The following HPSE2 variants were observed in gnomAD, a reference collection of about 807,000 sequenced individuals.
HPSE2 encodes the protein heparanase 2 (inactive).
A neutral mutation model predicts 60.5 loss-of-function variants in HPSE2; 38 were observed. The ratio of observed to expected loss-of-function variants is 0.63; its 90% CI spans 0.48 to 0.82. The LOEUF is 0.82. HPSE2 is among the 40% of genes least tolerant of loss of function. The probability of loss-of-function intolerance (pLI) is 0.00; values close to 1 mark genes in which losing one functional copy is unlikely to be tolerated. For synonymous variants in HPSE2, 295 were observed against 293.2 expected (o/e 1.01, Z -0.06); for missense variants, 713 against 740.4 (o/e 0.96, Z 0.43).
At chr10:99,119,575 A>C (rs1205588591) in intron 3 of HPSE2, among the ~76,000 whole-genome samples, 1 of 152,208 alleles carries the variant, frequency 6.6e-6, no homozygotes, top group East Asian at 1.9e-4. Flanking sequence ...TTCTTCACAG[A>C]ACTAGAAAAA....
intron 3 of HPSE2, among the ~76,000 whole-genome samples, chr10:99,121,708 G>A (rs921010254): frequency 8.6e-5 from 13 of 152,006 alleles, no homozygotes; most frequent in African/African-American, 2.9e-4. Flanking sequence ...GTGTAGTGTT[G>A]GGATAAGTAT....
intron 3 of HPSE2, among the ~76,000 whole-genome samples, chr10:98,823,628 A>AAAAT (rs1051765730): frequency 1.2e-4 from 18 of 152,196 alleles, no homozygotes; most frequent in African/African-American, 4.1e-4. Context: ...CCATCTCTAA[A>AAAAT]AAATAAATAA....
intron 2 of HPSE2, among the ~76,000 whole-genome samples, chr10:99,172,974 G>A (rs902284359): frequency 5.9e-5 from 9 of 152,174 alleles, no homozygotes; most frequent in African/African-American, 2.2e-4. Context: ...GTAAGTACAA[G>A]TCTATCTAAT....
chr10:98,980,949 A>G (rs939680807), intron 3 of HPSE2, among the ~76,000 whole-genome samples: 1 of 152,154 alleles, frequency 6.6e-6, no homozygotes, highest in Non-Finnish European at 1.5e-5. Flanking sequence ...AGTCAGGAGT[A>G]TGATAAGATA....
At chr10:98,642,228 T>C (rs949500207) in intron 6 of HPSE2, among the ~76,000 whole-genome samples, 1 of 152,156 alleles carries the variant, frequency 6.6e-6, no homozygotes, top group Non-Finnish European at 1.5e-5. Flanking sequence ...ATAATACAAA[T>C]TGGATAATGA....
chr10:98,671,080 G>A (rs1490031913), intron 6 of HPSE2, among the ~76,000 whole-genome samples: 4 of 152,098 alleles, frequency 2.6e-5, no homozygotes, highest in Admixed American at 2.6e-4. Context: ...TTTGAATTAG[G>A]GATACTCAAC....
chr10:98,796,455 G>C (rs1950782576), intron 3 of HPSE2, among the ~76,000 whole-genome samples: 1 of 152,210 alleles, frequency 6.6e-6, no homozygotes, highest in Non-Finnish European at 1.5e-5. Flanking sequence ...AAAGCGGAGA[G>C]AAGAGTGGGA....
chr10:99,101,121 A>C lies in HPSE2; in HGVS notation c.610+43117T>G, dbSNP rs184388786. Among the ~76,000 whole-genome samples the C allele has an allele frequency of 6.0e-3, 908 of 152,318 alleles. 4 individuals are homozygous for C. Among genetic ancestry groups the C allele is most frequent in the African/African-American group, 0.016 (674 of 41,580 alleles). On this transcript the variant is annotated intron_variant, in intron 3 of 11. Transcript: ENST00000370552. ...CCAGCTAACATCATAATGACAGGAT[A>C]AAATTCATACATTACAATATTAACC...
chr10:98,668,185 T>A (rs1276632267), intron 6 of HPSE2, among the ~76,000 whole-genome samples: 1 of 151,982 alleles, frequency 6.6e-6, no homozygotes, highest in Non-Finnish European at 1.5e-5. Context: ...AAAAAATAAA[T>A]ACCTAGGAAT....
At chr10:98,514,068 A>G (rs1219259439) in intron 9 of HPSE2, among the ~76,000 whole-genome samples, 1 of 152,192 alleles carries the variant, frequency 6.6e-6, no homozygotes, top group Non-Finnish European at 1.5e-5. Flanking sequence ...ATATTTATAT[A>G]CATACATAAA....
At chr10:98,731,343 T>C (rs1479695471) in intron 4 of HPSE2, among the ~76,000 whole-genome samples, 1 of 152,028 alleles carries the variant, frequency 6.6e-6, no homozygotes, top group East Asian at 1.9e-4. Flanking sequence ...ATATTCCTCA[T>C]AACATAGATG....
intron 3 of HPSE2, among the ~76,000 whole-genome samples, chr10:99,024,201 ATAC>A (rs1359690102): frequency 6.6e-6 from 1 of 152,158 alleles, no homozygotes; most frequent in Non-Finnish European, 1.5e-5. Context: ...TGCAATTGGT[ATAC>A]TGAAGAATGC....
chr10:99,235,542 G>T lies in HPSE2; in HGVS notation c.261C>A (p.Ile87=). The stretch of plus-strand genomic sequence containing the variant: ...GGAAATCGAGCCAGCCATCATGAAT[G>T]ATGGACGGATCCAGCTGCAGAGAGA... ...NFLSLQLDPS[I]IHDGWLDFLS... The change falls in exon 1 of 12, where the codon ATC becomes ATA. Residue 87 remains isoleucine (I), a synonymous_variant. Transcript: ENST00000370552. 6.2e-7 allele frequency: 1 copy of T among 1,614,116 alleles called. No individual in the cohort carries two copies. The highest frequency in any genetic ancestry group is 8.5e-7 in the Non-Finnish European group (1 of 1,180,026).
intron 3 of HPSE2, among the ~76,000 whole-genome samples, chr10:98,843,077 G>T (rs1021833707): frequency 1.3e-5 from 2 of 151,800 alleles, no homozygotes; most frequent in Non-Finnish European, 2.9e-5. Context: ...ACATATTCAC[G>T]TTTGTTATAC....
intron 2 of HPSE2, among the ~76,000 whole-genome samples, chr10:99,222,579 T>C (rs1211797787): frequency 2.0e-5 from 3 of 152,140 alleles, no homozygotes; most frequent in African/African-American, 7.2e-5. Context: ...ATTCTCAAAA[T>C]TGTCCAATAA....
intron 3 of HPSE2, among the ~76,000 whole-genome samples, chr10:99,023,286 G>A (rs1457911238): frequency 6.6e-6 from 1 of 151,994 alleles, no homozygotes; most frequent in Non-Finnish European, 1.5e-5. Context: ...GGAAAGAGTG[G>A]GAAGAACTGC....
At chr10:99,171,673 C>CT (rs1447510127) in intron 2 of HPSE2, among the ~76,000 whole-genome samples, 3 of 152,316 alleles carry the variant, frequency 2.0e-5, no homozygotes, top group Admixed American at 2.0e-4. Context: ...ATGGCAATTT[C>CT]TGTTGGAATC....
intron 3 of HPSE2, among the ~76,000 whole-genome samples, chr10:98,791,097 A>G (rs773358080): frequency 1.5e-4 from 23 of 152,206 alleles, no homozygotes; most frequent in Non-Finnish European, 2.5e-4. Context: ...TTATTGTTAT[A>G]GAACAAAGAG....
In HPSE2 at chr10:98,615,025, G is replaced by C; in HGVS notation, c.1206-7C>G. ...TCCTAAAGTGTTCAACCATCTAAAAGGCAGAGAAAAAGAGCTACATCAATA... is the reference window on the plus strand; with the variant it reads ...TCCTAAAGTGTTCAACCATCTAAAACGCAGAGAAAAAGAGCTACATCAATA... On this transcript the variant is annotated splice_polypyrimidine_tract_variant and splice_region_variant and intron_variant, in intron 8 of 11. Transcript: ENST00000370552. 6.3e-7 allele frequency: 1 copy of C among 1,599,602 alleles called. No individual in the cohort carries two copies. The highest frequency in any genetic ancestry group is 8.6e-7 in the Non-Finnish European group (1 of 1,166,906).
Sources: gnomAD v4.1 joint callset for allele counts (sites outside exome capture counted in the v4.1 genomes callset) on GRCh38, gnomAD v4.1.1 for gene constraint, MANE v1.5 for transcripts, NCBI Gene and HGNC (gene_info 2026-07-23, HGNC 2026-07-21) for gene names.